The following ASIC1 variants were observed in gnomAD, a reference collection of about 807,000 sequenced individuals.
ASIC1 encodes acid sensing ion channel subunit 1.
ASIC1 carries 21 observed loss-of-function variants against 63.4 expected under a neutral mutation model. That is an observed-to-expected ratio of 0.33 (90% confidence interval 0.23 to 0.48). The LOEUF (loss-of-function observed/expected upper bound fraction) is 0.48, where lower values mean the gene tolerates loss of function less well. ASIC1 is among the 20% of genes least tolerant of loss of function. ASIC1 has a pLI of 0.99. For synonymous variants in ASIC1, 258 were observed against 278.2 expected (o/e 0.93, Z 0.72); for missense variants, 478 against 695.5 (o/e 0.69, Z 3.52).
Position 50,078,313 on chromosome 12 carries a change from G to A in ASIC1, c.838-108G>A. ...CTCTGAGACCTTTGGAGGCTGCAGA[G>A]GGAGAGGGGAGCAGAACTCCAGAGA... On this transcript the variant is annotated intron_variant, in intron 5 of 11. Coordinates refer to ENST00000447966, the MANE Select transcript of ASIC1 (RefSeq NM_001095.4). The surrounding 1 kb of genome is among the most constrained non-coding windows in gnomAD (Gnocchi z 6.0). The A allele has an allele frequency of 6.5e-7, 1 of 1,529,144 alleles. No individual in the cohort carries two copies. The highest frequency in any genetic ancestry group is 8.9e-7 in the Non-Finnish European group (1 of 1,125,960). 94.7% of individuals were successfully genotyped at this position (1,529,144 alleles called of 1,614,324 possible). A position where few individuals can be genotyped will look rare whatever the true frequency, so the allele number is the denominator to read the frequency against.
rs761743504 is a variant in ASIC1 at position 50,078,039 on chromosome 12, A to G, written c.749A>G (p.His250Arg). Residue 250 changes from histidine (H) to arginine (R), a missense_variant, in exon 5 of 12, where the codon CAT becomes CGT. Physicochemically the swap from His to Arg is conservative, Grantham distance 29. Coordinates refer to ENST00000447966, the MANE Select transcript of ASIC1 (RefSeq NM_001095.4). The surrounding 1 kb of genome is among the most constrained non-coding windows in gnomAD (Gnocchi z 6.0). ...SFEAGIKVQI[H>R]SQDEPPFIDQ... ...GAAGCAGGCATCAAAGTGCAGATCC[A>G]TAGTCAGGATGAACCTCCTTTCATC... 1.2e-6 allele frequency: 2 copies of G among 1,614,022 alleles called. No individual in the cohort carries two copies. The highest frequency in any genetic ancestry group is 1.7e-6 in the Non-Finnish European group (2 of 1,179,940).
At chr12:50,073,508 G>C (rs1320880170) in intron 3 of ASIC1, 15 of 1,440,244 alleles carry the variant, frequency 1.0e-5, no homozygotes, top group African/African-American at 1.4e-5. Context: ...ACTCTGCCTG[G>C]AGTCACATCG....
At chr12:50,067,978 T>C (rs970367049) in intron 3 of ASIC1, among the ~76,000 whole-genome samples, 1 of 152,196 alleles carries the variant, frequency 6.6e-6, no homozygotes, top group African/African-American at 2.4e-5. Flanking sequence ...TATAAAACAT[T>C]TCCAGTACCC....
chr12:50,070,245 T>C (rs1300981247), intron 3 of ASIC1, among the ~76,000 whole-genome samples: 1 of 152,122 alleles, frequency 6.6e-6, no homozygotes, highest in East Asian at 1.9e-4. Flanking sequence ...TTTGACACTT[T>C]CCTCATCCCC....
At chr12:50,077,883 C>T in intron 4 of ASIC1, 117 bp from the exon 5 acceptor site, 1 of 1,467,900 alleles carries the variant, frequency 6.8e-7, no homozygotes, top group African/African-American at 1.4e-5. Context: ...TAGACTTCCC[C>T]CACCCCAGCC....
At chr12:50,064,938 G>A (rs986284441) in intron 3 of ASIC1, among the ~76,000 whole-genome samples, 1 of 152,148 alleles carries the variant, frequency 6.6e-6, no homozygotes, top group African/African-American at 2.4e-5. Context: ...AAGGTTCAGG[G>A]CTGAGAGCCA....
Position 50,083,322 on chromosome 12 carries a change from C to G in ASIC1, c.*1673C>G, listed in dbSNP as rs931656426. 2.6e-5 allele frequency: 4 copies of G among 152,448 alleles called. No individual in the cohort carries two copies. In the East Asian group the frequency reaches 5.8e-4, roughly 22 times the overall value. 9.4% of individuals were successfully genotyped at this position (152,448 alleles called of 1,614,324 possible). On this transcript the variant is annotated 3_prime_UTR_variant, in exon 12 of 12. Coordinates refer to ENST00000447966, the MANE Select transcript of ASIC1 (RefSeq NM_001095.4). Reference sequence around the variant, plus strand: ...GAGGGCCTGCCCCCCCTCCCTCCACCAGACACTCCTTCCAGGCCTGAGCCC... The same window carrying G: ...GAGGGCCTGCCCCCCCTCCCTCCACGAGACACTCCTTCCAGGCCTGAGCCC...
intron 3 of ASIC1, among the ~76,000 whole-genome samples, chr12:50,071,993 G>A (rs1036873617): frequency 7.2e-5 from 11 of 152,214 alleles, no homozygotes; most frequent in Admixed American, 6.5e-5. Context: ...GTGGCAGAAG[G>A]ATGGAGAGGG....
At chr12:50,080,313 T>C (rs1289763080) in intron 8 of ASIC1, 185 bp from the exon 9 acceptor site, 3 of 767,744 alleles carry the variant, frequency 3.9e-6, no homozygotes, top group Non-Finnish European at 6.4e-6. Flanking sequence ...ATACTGCATA[T>C]GGTACAGAAC....
At chr12:50,080,801 A>C (rs768263519) in intron 9 of ASIC1, 68 of 1,354,922 alleles carry the variant, frequency 5.0e-5, no homozygotes, top group Non-Finnish European at 6.5e-5. Context: ...GCCTGTGGGC[A>C]TGAGGGAGGG....
At position 50,059,972 on chromosome 12, in the gene ASIC1, G is replaced by A. The variant is rs778420721; in HGVS notation, c.558+18G>A. 38 of 1,611,562 alleles carry A rather than the reference G, an allele frequency of 2.4e-5. No individual in the cohort carries two copies. Among genetic ancestry groups the A allele is most frequent in the Non-Finnish European group, 3.0e-5 (35 of 1,178,756 alleles). ...TCAAGGTGGTGAGTCCCCTCGTGTG[G>A]GGTGTGAGTCAGCCTGGCCCACAGA... On this transcript the variant is annotated intron_variant, in intron 3 of 11. Coordinates refer to ENST00000447966, the MANE Select transcript of ASIC1 (RefSeq NM_001095.4). The surrounding 1 kb of genome is among the most constrained non-coding windows in gnomAD (Gnocchi z 4.6).
At position 50,078,037 on chromosome 12, in the gene ASIC1, C is replaced by T. The variant is rs751446072; in HGVS notation, c.747C>T (p.Ile249=). 1 of 1,614,012 alleles carries T rather than the reference C, an allele frequency of 6.2e-7. No individual in the cohort carries two copies. The highest frequency in any genetic ancestry group is 8.5e-7 in the Non-Finnish European group (1 of 1,179,922). The change falls in exon 5 of 12, where the codon ATC becomes ATT. Residue 249 remains isoleucine (I), a synonymous_variant. Coordinates refer to ENST00000447966, the MANE Select transcript of ASIC1 (RefSeq NM_001095.4). The surrounding 1 kb of genome is among the most constrained non-coding windows in gnomAD (Gnocchi z 6.0). The stretch of plus-strand genomic sequence containing the variant: ...TCGAAGCAGGCATCAAAGTGCAGAT[C>T]CATAGTCAGGATGAACCTCCTTTCA... ...TSFEAGIKVQ[I]HSQDEPPFID... is the part of the protein sequence containing the mutation.
chr12:50,082,717 G>C lies in ASIC1; in HGVS notation c.*1068G>C, dbSNP rs753320866. On this transcript the variant is annotated 3_prime_UTR_variant, in exon 12 of 12. Transcript: ENST00000447966. ...CTGAATGCCTTCGCCTGTATAAAGA[G>C]TTGGACTCTCTCCCCTGGTGTCTGT... 1.3e-5 allele frequency: 2 copies of C among 152,486 alleles called. No individual in the cohort carries two copies. Among genetic ancestry groups the C allele is most frequent in the Admixed American group, 1.3e-4 (2 of 15,268 alleles). 9.4% of individuals were successfully genotyped at this position (152,486 alleles called of 1,614,324 possible).
intron 3 of ASIC1, among the ~76,000 whole-genome samples, chr12:50,061,940 G>A (rs943747299): frequency 1.3e-5 from 2 of 152,204 alleles, no homozygotes; most frequent in Non-Finnish European, 2.9e-5. Context: ...AAGACACACA[G>A]GCTAGCACCC....
intron 3 of ASIC1, among the ~76,000 whole-genome samples, chr12:50,067,692 T>C (rs1257038085): frequency 6.6e-6 from 1 of 152,232 alleles, no homozygotes; most frequent in Non-Finnish European, 1.5e-5. Flanking sequence ...GTGCTGGGAT[T>C]ACAGGCGTGA....
intron 3 of ASIC1, chr12:50,076,755 G>A: frequency 3.0e-6 from 1 of 329,748 alleles, no homozygotes; most frequent in Non-Finnish European, 6.0e-6. Context: ...GAGGCAGTGA[G>A]CAGTACTAGG....
intron 3 of ASIC1, among the ~76,000 whole-genome samples, chr12:50,071,057 G>T (rs947551685): frequency 5.9e-5 from 9 of 152,172 alleles, no homozygotes; most frequent in Non-Finnish European, 1.0e-4. Flanking sequence ...GGACCCTTTA[G>T]TCTATTCCCT....
chr12:50,082,100 G>A lies in ASIC1; in HGVS notation c.*451G>A, dbSNP rs1335971452. 6.0e-6 allele frequency: 1 copy of A among 167,796 alleles called. No homozygotes were observed. The highest frequency in any genetic ancestry group is 1.8e-4 in the East Asian group (1 of 5,528). 10.4% of individuals were successfully genotyped at this position (167,796 alleles called of 1,614,324 possible). On this transcript the variant is annotated 3_prime_UTR_variant, in exon 12 of 12. Transcript: ENST00000447966. Reference sequence around the variant, plus strand: ...ACCTTAAGGGGGAGGGCTAGTGTGGGGGAGGGAGGCTTCCCCAGCCTTAAG... The same window carrying A: ...ACCTTAAGGGGGAGGGCTAGTGTGGAGGAGGGAGGCTTCCCCAGCCTTAAG...
At chr12:50,069,350 G>A (rs558098974) in intron 3 of ASIC1, among the ~76,000 whole-genome samples, 1 of 151,746 alleles carries the variant, frequency 6.6e-6, no homozygotes, top group Admixed American at 6.6e-5. Flanking sequence ...CTGGAGTGCA[G>A]TGGTGCAATC....
Sources: allele counts gnomAD v4.1 joint callset (sites outside exome capture counted in the v4.1 genomes callset), GRCh38; gene constraint gnomAD v4.1.1; non-coding constraint Gnocchi (gnomAD v3.1); transcripts MANE v1.5; gene names NCBI Gene and HGNC (gene_info 2026-07-23, HGNC 2026-07-21).